The following COL5A2 variants were observed in gnomAD, a reference collection of about 807,000 sequenced individuals.
COL5A2 encodes collagen type V alpha 2 chain.
A neutral mutation model predicts 208.2 loss-of-function variants in COL5A2; 23 were observed. The ratio of observed to expected loss-of-function variants is 0.11; its 90% CI spans 0.08 to 0.16. The LOEUF is 0.16. COL5A2 is among the 10% of genes least tolerant of loss of function. The probability of loss-of-function intolerance (pLI) is 1.00; values close to 1 mark genes in which losing one functional copy is unlikely to be tolerated. For synonymous variants in COL5A2, 625 were observed against 628.5 expected (o/e 0.99, Z 0.08); for missense variants, 1,590 against 1,956.4 (o/e 0.81, Z 3.53).
the COL5A2 span, among the ~76,000 whole-genome samples, chr2:189,265,221 C>T: frequency 1.3e-5 from 2 of 152,066 alleles, no homozygotes; most frequent in Non-Finnish European, 2.9e-5. Context: ...AAAGAACAAT[C>T]AGCAAAAGAA....
At chr2:189,276,440 G>C in the COL5A2 span, among the ~76,000 whole-genome samples, 1 of 152,132 alleles carries the variant, frequency 6.6e-6, no homozygotes, top group African/African-American at 2.4e-5. Flanking sequence ...TGTCCTGTGA[G>C]GTTAAGGGCA....
chr2:189,060,522 T>C (rs1426209938), intron 31 of COL5A2, among the ~76,000 whole-genome samples: 3 of 152,212 alleles, frequency 2.0e-5, no homozygotes, highest in African/African-American at 7.2e-5. Flanking sequence ...ATTAACTGTG[T>C]GACTTTGGGA....
chr2:189,339,115 C>T, the COL5A2 span, among the ~76,000 whole-genome samples: 2 of 152,188 alleles, frequency 1.3e-5, no homozygotes, highest in African/African-American at 4.8e-5. Flanking sequence ...ATTTGGGAGG[C>T]CAAGGTGGGT....
At chr2:189,388,301 TAAG>T in the COL5A2 span, among the ~76,000 whole-genome samples, 1 of 152,116 alleles carries the variant, frequency 6.6e-6, no homozygotes, top group Non-Finnish European at 1.5e-5. Flanking sequence ...AAGCCTTCTT[TAAG>T]GAGGTGAACT....
the COL5A2 span, among the ~76,000 whole-genome samples, chr2:189,302,945 CT>C: frequency 6.6e-6 from 1 of 152,158 alleles, no homozygotes; most frequent in Non-Finnish European, 1.5e-5. Context: ...CCATAAAGTG[CT>C]TCCTTTAAGT....
the COL5A2 span, among the ~76,000 whole-genome samples, chr2:189,284,214 A>C: frequency 1.3e-5 from 2 of 152,196 alleles, no homozygotes; most frequent in African/African-American, 4.8e-5. Flanking sequence ...TTAATTATCA[A>C]ATATTCCTAA....
chr2:189,081,481 T>C (rs1487920574), intron 12 of COL5A2, among the ~76,000 whole-genome samples: 2 of 152,192 alleles, frequency 1.3e-5, no homozygotes, highest in African/African-American at 2.4e-5. Flanking sequence ...TTATTTATGG[T>C]ACACGATTAA....
the COL5A2 span, among the ~76,000 whole-genome samples, chr2:189,272,352 T>G: frequency 1.3e-5 from 2 of 152,096 alleles, no homozygotes; most frequent in African/African-American, 4.8e-5. Flanking sequence ...TGAGTTCATG[T>G]CCTTTGCAGG....
upstream of COL5A2, among the ~76,000 whole-genome samples, chr2:189,225,650 T>G (rs1223751708): frequency 6.6e-6 from 1 of 152,104 alleles, no homozygotes; most frequent in African/African-American, 2.4e-5. Context: ...CAAAAAGAGA[T>G]ATTTTCCAGC....
the COL5A2 span, among the ~76,000 whole-genome samples, chr2:189,436,130 G>A: frequency 6.6e-6 from 1 of 152,170 alleles, no homozygotes; most frequent in East Asian, 1.9e-4. Flanking sequence ...TGAACAATGA[G>A]AACACTTGGG....
At chr2:189,126,212 A>C (rs1482966304) in intron 1 of COL5A2, among the ~76,000 whole-genome samples, 1 of 152,046 alleles carries the variant, frequency 6.6e-6, no homozygotes, top group Non-Finnish European at 1.5e-5. Context: ...ATGTTAGTAA[A>C]GAAAAAAACC....
At chr2:189,041,538 G>T in intron 50 of COL5A2, 48 bp downstream of exon 50, 1 of 1,394,844 alleles carries the variant, frequency 7.2e-7, no homozygotes, top group Non-Finnish European at 1.0e-6. Context: ...CGGAATCTGA[G>T]CTATTGAATA....
chr2:189,034,503 A>G (rs1204808528), intron 53 of COL5A2, among the ~76,000 whole-genome samples: 1 of 152,186 alleles, frequency 6.6e-6, no homozygotes, highest in Non-Finnish European at 1.5e-5. Flanking sequence ...ATAATTCACC[A>G]TTTAGTATTA....
the COL5A2 span, among the ~76,000 whole-genome samples, chr2:189,415,293 G>A: frequency 4.6e-5 from 7 of 151,956 alleles, no homozygotes; most frequent in East Asian, 1.4e-3. Flanking sequence ...ATTTAATTTT[G>A]CTTTCCTCAA....
intron 1 of COL5A2, among the ~76,000 whole-genome samples, chr2:189,173,769 A>T (rs540171952): frequency 4.2e-4 from 64 of 152,302 alleles, no homozygotes; most frequent in African/African-American, 1.5e-3. Context: ...AGTTTCATGG[A>T]TATAAATAAT....
the COL5A2 span, among the ~76,000 whole-genome samples, chr2:189,334,571 T>A: frequency 6.6e-6 from 1 of 152,082 alleles, no homozygotes; most frequent in East Asian, 1.9e-4. Context: ...AAATAATTGC[T>A]CAAAGTAATT....
chr2:189,077,921 G>T (rs1686445813), intron 16 of COL5A2, among the ~76,000 whole-genome samples: 1 of 152,186 alleles, frequency 6.6e-6, no homozygotes, highest in South Asian at 2.1e-4. Flanking sequence ...TGAAATATTA[G>T]TCAGCATAGC....
chr2:189,137,302 T>C (rs1687844881), intron 1 of COL5A2, among the ~76,000 whole-genome samples: 1 of 152,204 alleles, frequency 6.6e-6, no homozygotes, highest in African/African-American at 2.4e-5. Context: ...TTCTGAAGTT[T>C]TGAAATCTAA....
At chr2:189,236,606 T>A in the COL5A2 span, among the ~76,000 whole-genome samples, 12 of 151,822 alleles carry the variant, frequency 7.9e-5, no homozygotes, top group Non-Finnish European at 1.6e-4. Flanking sequence ...ATTTACTTGA[T>A]GACCAAATAA....
Sources: gnomAD v4.1 joint callset for allele counts (sites outside exome capture counted in the v4.1 genomes callset) on GRCh38, gnomAD v4.1.1 for gene constraint, MANE v1.5 for transcripts, NCBI Gene and HGNC (gene_info 2026-07-23, HGNC 2026-07-21) for gene names.